The following MARK1 variants were observed in gnomAD, a reference collection of about 807,000 sequenced individuals.
The protein encoded by MARK1 is microtubule affinity regulating kinase 1, also known as serine/threonine-protein kinase MARK1.
A neutral mutation model predicts 96.3 loss-of-function variants in MARK1; 40 were observed. The observed-to-expected ratio is 0.42, with a 90% CI of 0.32 to 0.54. The LOEUF (loss-of-function observed/expected upper bound fraction) is 0.54, where lower values mean the gene tolerates loss of function less well. Among genes scored for constraint, MARK1 ranks in the 20% least tolerant of loss-of-function variants. MARK1 has a pLI of 0.16. For missense variants in MARK1, 719 were observed against 984.6 expected (o/e 0.73, Z 3.61); for synonymous variants, 317 against 341.2 (o/e 0.93, Z 0.78).
intron 3 of MARK1, among the ~76,000 whole-genome samples, chr1:220,586,011 A>ACACACACACGCACG (rs112968910): frequency 1.3e-4 from 19 of 148,636 alleles, no homozygotes; most frequent in African/African-American, 3.3e-4. Flanking sequence ...ACACACACAC[A>ACACACACACGCACG]CGCGCGCGTG....
intron 3 of MARK1, among the ~76,000 whole-genome samples, chr1:220,586,015 G>GCGCC: frequency 1.1e-5 from 1 of 91,370 alleles, no homozygotes; most frequent in South Asian, 4.3e-4. Context: ...ACACACACGC[G>GCGCC]CGCGTGCGCA....
At chr1:220,559,981 A>T (rs1476663423) in intron 1 of MARK1, among the ~76,000 whole-genome samples, 1 of 152,152 alleles carries the variant, frequency 6.6e-6, no homozygotes, top group Non-Finnish European at 1.5e-5. Context: ...GTGATTTATA[A>T]GGAGAAAGAG....
chr1:220,663,733 C>G lies in MARK1; in HGVS notation c.*1567C>G, dbSNP rs1226212636. On this transcript the variant is annotated 3_prime_UTR_variant, in exon 18 of 18. Coordinates refer to ENST00000366917, the MANE Select transcript of MARK1 (RefSeq NM_018650.5). The stretch of plus-strand genomic sequence containing the variant: ...ACTGTGATGTAGCTTTCTTCTGTAA[C>G]AGTTATGTTTTAAAATTAAGTGAGT... 2 of 151,252 alleles carry G rather than the reference C, an allele frequency of 1.3e-5. No individual in the cohort carries two copies. The highest frequency in any genetic ancestry group is 2.9e-5 in the Non-Finnish European group (2 of 67,820). The allele number at this position is 151,252 out of a possible 1,614,324, so 9.4% of individuals were successfully genotyped here. A position where few individuals can be genotyped will look rare whatever the true frequency, so the allele number is the denominator to read the frequency against.
chr1:220,623,533 A>G (rs899479096), intron 9 of MARK1, among the ~76,000 whole-genome samples: 7 of 152,114 alleles, frequency 4.6e-5, no homozygotes, highest in African/African-American at 1.7e-4. Context: ...TTGTGAGACA[A>G]ACTCCTTAGT....
chr1:220,641,467 A>G (rs1668264853), intron 13 of MARK1, among the ~76,000 whole-genome samples: 1 of 152,134 alleles, frequency 6.6e-6, no homozygotes, highest in Non-Finnish European at 1.5e-5. Context: ...CTTGATCTTG[A>G]TCTCACAGCC....
chr1:220,595,911 A>G (rs1220026398), intron 3 of MARK1, among the ~76,000 whole-genome samples: 4 of 152,152 alleles, frequency 2.6e-5, no homozygotes, highest in Non-Finnish European at 4.4e-5. Context: ...AAATTTCAAG[A>G]GATGGTGTTG....
intron 1 of MARK1, among the ~76,000 whole-genome samples, chr1:220,539,898 T>G (rs1661015755): frequency 6.6e-6 from 1 of 152,112 alleles, no homozygotes; most frequent in Admixed American, 6.6e-5. Flanking sequence ...TAAAATGAGT[T>G]AAGAAGTATT....
intron 1 of MARK1, among the ~76,000 whole-genome samples, chr1:220,534,934 A>G (rs1325888213): frequency 6.6e-6 from 1 of 152,078 alleles, no homozygotes; most frequent in Non-Finnish European, 1.5e-5. Flanking sequence ...GCGGGTGGAC[A>G]TTTGGGTTGC....
intron 1 of MARK1, among the ~76,000 whole-genome samples, chr1:220,548,990 G>A (rs1661685652): frequency 6.6e-6 from 1 of 152,154 alleles, no homozygotes; most frequent in Non-Finnish European, 1.5e-5. Flanking sequence ...GCTTCTTGGG[G>A]TGTAGGGGAG....
chr1:220,532,425 G>A (rs541250627), intron 1 of MARK1, among the ~76,000 whole-genome samples: 1 of 152,310 alleles, frequency 6.6e-6, no homozygotes, highest in East Asian at 1.9e-4. Flanking sequence ...TGTGTTGCCA[G>A]TGCCCAGCAC....
At chr1:220,596,147 TA>T (rs1437204970) in intron 3 of MARK1, among the ~76,000 whole-genome samples, 4 of 152,164 alleles carry the variant, frequency 2.6e-5, no homozygotes, top group Non-Finnish European at 4.4e-5. Context: ...GAAGCCATGA[TA>T]AATCATTAGG....
intron 4 of MARK1, 37 bp from the exon 5 acceptor site, chr1:220,599,761 T>A: frequency 8.4e-7 from 1 of 1,194,400 alleles, no homozygotes; most frequent in East Asian, 2.4e-5. Flanking sequence ...CAATCTGTGC[T>A]AACAGTTATA....
At chr1:220,639,594 G>A (rs1668159331) in intron 13 of MARK1, among the ~76,000 whole-genome samples, 1 of 151,902 alleles carries the variant, frequency 6.6e-6, no homozygotes, top group Admixed American at 6.6e-5. Flanking sequence ...TCCATGTCTG[G>A]GTCTATGTGA....
intron 1 of MARK1, among the ~76,000 whole-genome samples, chr1:220,560,176 C>T (rs889776178): frequency 8.6e-5 from 13 of 151,956 alleles, no homozygotes; most frequent in Non-Finnish European, 1.6e-4. Context: ...GGGAAACTGC[C>T]CCCCCATGAT....
intron 1 of MARK1, among the ~76,000 whole-genome samples, chr1:220,558,659 CTT>C (rs1295873660): frequency 6.6e-6 from 1 of 151,804 alleles, no homozygotes; most frequent in Admixed American, 6.6e-5. Context: ...ATTACTGTAA[CTT>C]ATACATATAT....
intron 3 of MARK1, among the ~76,000 whole-genome samples, chr1:220,581,661 G>A (rs1664248709): frequency 6.6e-6 from 1 of 152,074 alleles, no homozygotes. Context: ...TGCTTCATTT[G>A]CTCTTCTTCC....
intron 1 of MARK1, among the ~76,000 whole-genome samples, chr1:220,543,414 A>T (rs1300972570): frequency 6.6e-6 from 1 of 152,200 alleles, no homozygotes; most frequent in Non-Finnish European, 1.5e-5. Context: ...AAATTTTTAT[A>T]CTATACTTTT....
rs750658191 is a variant in MARK1 at position 220,662,173 on chromosome 1, C to T, written c.*7C>T. ...AAATGAGCTTAAGCTGTAAAGAAGT[C>T]CAAATTTACAGGTTCAGGGAAGATA... On this transcript the variant is annotated 3_prime_UTR_variant, in exon 18 of 18. Coordinates refer to ENST00000366917, the MANE Select transcript of MARK1 (RefSeq NM_018650.5). 1 of 1,593,086 alleles carries T rather than the reference C, an allele frequency of 6.3e-7. No individual in the cohort carries two copies. Among genetic ancestry groups the T allele is most frequent in the Non-Finnish European group, 8.6e-7 (1 of 1,167,316 alleles).
chr1:220,540,050 T>C lies in MARK1; in HGVS notation c.51+11177T>C, dbSNP rs73101876. Among the ~76,000 whole-genome samples, 554 of 152,304 alleles carry C rather than the reference T, an allele frequency of 3.6e-3. 5 individuals are homozygous for C. The highest frequency in any genetic ancestry group is 0.013 in the African/African-American group (523 of 41,562). On this transcript the variant is annotated intron_variant, in intron 1 of 17. Coordinates refer to ENST00000366917, the MANE Select transcript of MARK1 (RefSeq NM_018650.5). ...TTTTTGATTCCTGATTCAATCTCCT[T>C]ACTAGTTATAGCTTTGTTTAGATGT...
Sources: gnomAD v4.1 joint callset for allele counts (sites outside exome capture counted in the v4.1 genomes callset) on GRCh38, gnomAD v4.1.1 for gene constraint, MANE v1.5 for transcripts, NCBI Gene and HGNC (gene_info 2026-07-23, HGNC 2026-07-21) for gene names.